Variants in PPARGC1A observed in about 807,000 individuals in gnomAD.
PPARGC1A encodes PPARG coactivator 1 alpha, also known as peroxisome proliferator-activated receptor gamma coactivator 1-alpha.
In PPARGC1A, 25 loss-of-function variants were observed where a neutral mutation model predicts 88.7. The observed-to-expected ratio is 0.28, with a 90% CI of 0.21 to 0.39. The LOEUF (loss-of-function observed/expected upper bound fraction) is 0.39, where lower values mean the gene tolerates loss of function less well. PPARGC1A is among the 10% of genes least tolerant of loss of function. The pLI, the probability that PPARGC1A is intolerant of heterozygous loss-of-function variation, is 1.00. For synonymous variants in PPARGC1A, 363 were observed against 355.6 expected, an observed-to-expected ratio of 1.02 and a Z score of -0.24; for missense variants, 880 against 968.7, an observed-to-expected ratio of 0.91 and a Z score of 1.22.
the PPARGC1A span, among the ~76,000 whole-genome samples, chr4:24,157,411 C>T: frequency 2.0e-5 from 3 of 152,164 alleles, no homozygotes; most frequent in Non-Finnish European, 4.4e-5. Context: ...TCTCTTCCTC[C>T]AAACATCTTC....
chr4:24,245,061 A>T, the PPARGC1A span, among the ~76,000 whole-genome samples: 6 of 152,360 alleles, frequency 3.9e-5, 1 homozygote, highest in African/African-American at 1.4e-4. Context: ...GAAAACTAAC[A>T]TTAGAAACTG....
chr4:24,256,709 C>T, the PPARGC1A span, among the ~76,000 whole-genome samples: 2 of 152,144 alleles, frequency 1.3e-5, no homozygotes, highest in Non-Finnish European at 2.9e-5. Flanking sequence ...TCCTGTCAAT[C>T]GTCTGCACCT....
the PPARGC1A span, among the ~76,000 whole-genome samples, chr4:24,203,131 T>G: frequency 6.6e-6 from 1 of 152,150 alleles, no homozygotes; most frequent in African/African-American, 2.4e-5. Flanking sequence ...AAATCCAACC[T>G]GTGGTCCACA....
chr4:24,035,826 AGTAAACATTAGCATG>A, the PPARGC1A span, among the ~76,000 whole-genome samples: 1 of 152,242 alleles, frequency 6.6e-6, no homozygotes, highest in Non-Finnish European at 1.5e-5. Context: ...TACATGATTA[AGTAAACATTAGCATG>A]GTTGGGAAAG....
the PPARGC1A span, among the ~76,000 whole-genome samples, chr4:24,265,476 T>C: frequency 6.6e-6 from 1 of 152,198 alleles, no homozygotes; most frequent in Non-Finnish European, 1.5e-5. Context: ...AATCCTCTTC[T>C]GACTACACAG....
the PPARGC1A span, among the ~76,000 whole-genome samples, chr4:24,381,981 T>C: frequency 6.6e-6 from 1 of 152,198 alleles, no homozygotes; most frequent in Non-Finnish European, 1.5e-5. Flanking sequence ...ATTCTTTCCT[T>C]CCACTCACCT....
At chr4:24,278,961 G>A in the PPARGC1A span, among the ~76,000 whole-genome samples, 4 of 151,974 alleles carry the variant, frequency 2.6e-5, no homozygotes, top group African/African-American at 4.8e-5. Flanking sequence ...TCCTAGATAC[G>A]TTTTCCCACA....
At chr4:24,370,143 C>A in the PPARGC1A span, among the ~76,000 whole-genome samples, 1 of 152,156 alleles carries the variant, frequency 6.6e-6, no homozygotes, top group South Asian at 2.1e-4. Flanking sequence ...GTTCTTTTAA[C>A]ATTTTTTTTC....
upstream of PPARGC1A, among the ~76,000 whole-genome samples, chr4:23,906,641 A>G (rs1000041113): frequency 5.3e-5 from 8 of 151,166 alleles, no homozygotes; most frequent in Non-Finnish European, 1.2e-4. Context: ...GATATTTTCC[A>G]TGCTACAACT....
chr4:24,084,335 T>A, the PPARGC1A span, among the ~76,000 whole-genome samples: 1 of 152,182 alleles, frequency 6.6e-6, no homozygotes, highest in Non-Finnish European at 1.5e-5. Context: ...AATGAAGAAT[T>A]ATACCTATGG....
the PPARGC1A span, among the ~76,000 whole-genome samples, chr4:24,191,147 A>C: frequency 6.6e-6 from 1 of 152,218 alleles, no homozygotes; most frequent in Admixed American, 6.5e-5. Flanking sequence ...ATATGATCCC[A>C]CATCTGTGAA....
At chr4:24,344,378 T>G in the PPARGC1A span, among the ~76,000 whole-genome samples, 1 of 152,228 alleles carries the variant, frequency 6.6e-6, no homozygotes, top group Non-Finnish European at 1.5e-5. Flanking sequence ...AGTGTAGAAG[T>G]GTTCCCTGTT....
chr4:24,406,303 C>T, the PPARGC1A span, among the ~76,000 whole-genome samples: 1 of 152,210 alleles, frequency 6.6e-6, no homozygotes, highest in East Asian at 1.9e-4. Context: ...CCATCACCTA[C>T]CCCCAAGTGA....
chr4:24,267,068 T>G, the PPARGC1A span, among the ~76,000 whole-genome samples: 2 of 152,182 alleles, frequency 1.3e-5, no homozygotes, highest in African/African-American at 4.8e-5. Flanking sequence ...GGATCTTACT[T>G]CAAAGCTGAA....
the PPARGC1A span, among the ~76,000 whole-genome samples, chr4:24,370,581 G>C: frequency 1.3e-5 from 2 of 151,940 alleles, no homozygotes; most frequent in Non-Finnish European, 2.9e-5. Flanking sequence ...CCAGGCAAAG[G>C]CATCTGGCTT....
chr4:23,986,780 T>C, the PPARGC1A span, among the ~76,000 whole-genome samples: 5 of 152,172 alleles, frequency 3.3e-5, no homozygotes, highest in Admixed American at 2.0e-4. Flanking sequence ...ATATACTGTC[T>C]TGCCTCTCTG....
chr4:23,810,376 A>G (rs1351500601), intron 10 of PPARGC1A, among the ~76,000 whole-genome samples: 1 of 152,174 alleles, frequency 6.6e-6, no homozygotes. Flanking sequence ...GATTACTTTC[A>G]TCTAAGAATT....
chr4:24,033,797 C>G, the PPARGC1A span, among the ~76,000 whole-genome samples: 1 of 152,288 alleles, frequency 6.6e-6, no homozygotes, highest in South Asian at 2.1e-4. Context: ...CAAAGTTCTG[C>G]AGAAATGGTT....
chr4:23,913,263 TATATAGAG>T, the PPARGC1A span, among the ~76,000 whole-genome samples: 1,113 of 55,940 alleles, frequency 0.02, 4 homozygotes, highest in East Asian at 0.098. Flanking sequence ...TATATATATA[TATATAGAG>T]AGAGAGAGAG....
Sources: allele counts gnomAD v4.1 joint callset (sites outside exome capture counted in the v4.1 genomes callset), GRCh38; gene constraint gnomAD v4.1.1; transcripts MANE v1.5; gene names NCBI Gene and HGNC (gene_info 2026-07-23, HGNC 2026-07-21).